The following RAPH1 variants were observed in gnomAD, a reference collection of about 807,000 sequenced individuals.
RAPH1 encodes the protein ras-associated and pleckstrin homology domains-containing protein 1.
In RAPH1, 18 loss-of-function variants were observed where a neutral mutation model predicts 88.1. The observed-to-expected ratio is 0.20, with a 90% CI of 0.14 to 0.30. The LOEUF is 0.30. RAPH1 is among the 10% of genes least tolerant of loss of function. The pLI, the probability that RAPH1 is intolerant of heterozygous loss-of-function variation, is 1.00. For synonymous variants in RAPH1, 587 were observed against 559.0 expected (o/e 1.05, Z -0.71); for missense variants, 1,448 against 1,543.2 (o/e 0.94, Z 1.03).
At chr2:203,464,569 C>A (rs185987728) in intron 4 of RAPH1, among the ~76,000 whole-genome samples, 48 of 152,296 alleles carry the variant, frequency 3.2e-4, no homozygotes, top group Admixed American at 3.1e-3. Flanking sequence ...CCATGCCCAG[C>A]CAAACATGAA....
At chr2:203,450,508 A>C (rs1230564941) in intron 10 of RAPH1, among the ~76,000 whole-genome samples, 1 of 152,218 alleles carries the variant, frequency 6.6e-6, no homozygotes, top group Non-Finnish European at 1.5e-5. Flanking sequence ...CAGACAGAGA[A>C]GTATGTATTC....
intron 2 of RAPH1, among the ~76,000 whole-genome samples, chr2:203,492,912 A>T (rs536641479): frequency 4.7e-4 from 72 of 152,328 alleles, no homozygotes; most frequent in African/African-American, 1.7e-3. Context: ...AAAACTTTAC[A>T]AACTATTTTA....
chr2:203,447,813 TAA>T, intron 12 of RAPH1, 144 bp downstream of exon 12: 1 of 743,740 alleles, frequency 1.3e-6, no homozygotes, highest in Non-Finnish European at 2.1e-6. Context: ...TAGCAATTTT[TAA>T]AAAGGCATCT....
chr2:203,488,790 C>G (rs960096705), intron 4 of RAPH1, among the ~76,000 whole-genome samples: 5 of 151,848 alleles, frequency 3.3e-5, no homozygotes, highest in Admixed American at 1.3e-4. Context: ...TGATTCCATA[C>G]CTGGTGGCCC....
intron 4 of RAPH1, among the ~76,000 whole-genome samples, chr2:203,484,888 A>G (rs991700435): frequency 9.9e-5 from 15 of 152,204 alleles, no homozygotes; most frequent in Non-Finnish European, 1.9e-4. Context: ...AATAAATAAA[A>G]AGAGACATGC....
intron 1 of RAPH1, among the ~76,000 whole-genome samples, chr2:203,506,742 CTATATATATATATATCTATATATA>C (rs1325560544): frequency 9.0e-6 from 1 of 110,856 alleles, no homozygotes; most frequent in Non-Finnish European, 1.7e-5. Context: ...AGATATATAT[CTATATATATATATATCTATATATA>C]TATCTATATA....
Position 203,434,565 on chromosome 2 carries a change from G to GGAA in RAPH1, c.*4871_*4872insTTC, listed in dbSNP as rs2098496817. 1 of 119,528 alleles carries GGAA rather than the reference G, an allele frequency of 8.4e-6. No individual in the cohort carries two copies. The highest frequency in any genetic ancestry group is 4.0e-5 in the African/African-American group (1 of 24,764). The allele number at this position is 119,528 out of a possible 1,614,324, so 7.4% of individuals were successfully genotyped here. Reference sequence around the variant, plus strand: ...TCTAGAAGGGGTTATTTTACAAGTAGCAAAAAAAAAAAAAAAAGTAGGAGG... The same window carrying GGAA: ...TCTAGAAGGGGTTATTTTACAAGTAGGAACAAAAAAAAAAAAAAAAGTAGGAGG... On this transcript the variant is annotated 3_prime_UTR_variant, in exon 14 of 14. Transcript: ENST00000319170.
intron 4 of RAPH1, among the ~76,000 whole-genome samples, chr2:203,478,709 G>A (rs556568341): frequency 3.9e-5 from 6 of 151,968 alleles, no homozygotes; most frequent in Non-Finnish European, 8.8e-5. Context: ...GGCTGGCCTT[G>A]AACTCCTGAC....
chr2:203,461,146 C>CATAT (rs149163611), intron 6 of RAPH1, 103 bp downstream of exon 6: 71 of 474,322 alleles, frequency 1.5e-4, no homozygotes, highest in Non-Finnish European at 2.1e-4. Context: ...AAAATAAAAA[C>CATAT]ATATATATAT....
intron 9 of RAPH1, among the ~76,000 whole-genome samples, chr2:203,454,839 T>G (rs2098517918): frequency 6.6e-6 from 1 of 152,146 alleles, no homozygotes; most frequent in Admixed American, 6.6e-5. Context: ...AAAACAATAA[T>G]GTATAATAGA....
In RAPH1 at chr2:203,448,325, C is replaced by T. The variant is rs189479486; in HGVS notation, c.1513-246G>A. Among the ~76,000 whole-genome samples the T allele has an allele frequency of 1.4e-3, 209 of 152,202 alleles. 1 individual carries two copies. Among genetic ancestry groups the T allele is most frequent in the Middle Eastern group, 3.4e-3 (1 of 294 alleles). ...TGTTATAAACATTAATGTTTTTTCACCCCAAATTCTTGATCCAAGGGCAGC... is the reference window on the plus strand; with the variant it reads ...TGTTATAAACATTAATGTTTTTTCATCCCAAATTCTTGATCCAAGGGCAGC... On this transcript the variant is annotated intron_variant, in intron 11 of 13. Transcript: ENST00000319170. This position sits in a 1 kb window ranked among gnomAD's most constrained non-coding sequence, Gnocchi z 4.1.
chr2:203,470,683 C>T lies in RAPH1; in HGVS notation c.733-8758G>A, dbSNP rs1159867855. On this transcript the variant is annotated intron_variant, in intron 4 of 13. Transcript: ENST00000319170. The stretch of plus-strand genomic sequence containing the variant: ...ATGTCAGAGACCAATGACTAAACTC[C>T]CTTTCTCTTGTTAAAGCCTATGAAG... Among the ~76,000 whole-genome samples, 11 of 152,118 alleles carry T rather than the reference C, an allele frequency of 7.2e-5. 1 individual carries two copies. The highest frequency in any genetic ancestry group is 7.2e-4 in the Admixed American group (11 of 15,282).
chr2:203,491,408 T>A, intron 2 of RAPH1, 89 bp from the exon 3 acceptor site: 2 of 781,454 alleles, frequency 2.6e-6, no homozygotes, highest in Non-Finnish European at 4.1e-6. Context: ...TTAAGTGAAC[T>A]GCCACACTAT....
chr2:203,527,287 C>CGTGG (rs1690164268), intron 1 of RAPH1, among the ~76,000 whole-genome samples: 1 of 151,912 alleles, frequency 6.6e-6, no homozygotes, highest in Non-Finnish European at 1.5e-5. Context: ...GCGTCTTCAC[C>CGTGG]GTGGCCACCT....
rs1305196540 is a variant in RAPH1 at position 203,435,873 on chromosome 2, C to A, written c.*3564G>T. The A allele has an allele frequency of 6.6e-6, 1 of 152,182 alleles. No individual in the cohort carries two copies. Among genetic ancestry groups the A allele is most frequent in the Non-Finnish European group, 1.5e-5 (1 of 68,034 alleles). The allele number at this position is 152,182 out of a possible 1,614,324, so 9.4% of individuals were successfully genotyped here. A position where few individuals can be genotyped will look rare whatever the true frequency, so the allele number is the denominator to read the frequency against. On this transcript the variant is annotated 3_prime_UTR_variant, in exon 14 of 14. Coordinates refer to ENST00000319170, the MANE Select transcript of RAPH1 (RefSeq NM_213589.3). ...TGGCTGAGAGTCAAAGCAGGCCAAT[C>A]CACACCATTACCTGAAATATTTTTC...
At chr2:203,496,638 A>G (rs934182432) in intron 1 of RAPH1, among the ~76,000 whole-genome samples, 5 of 152,358 alleles carry the variant, frequency 3.3e-5, no homozygotes, top group Non-Finnish European at 2.9e-5. Flanking sequence ...TTAGCAGATT[A>G]TAAACCCTGG....
At chr2:203,525,184 A>G (rs1404410665) in intron 1 of RAPH1, among the ~76,000 whole-genome samples, 1 of 152,166 alleles carries the variant, frequency 6.6e-6, no homozygotes, top group Non-Finnish European at 1.5e-5. Flanking sequence ...GTATATTAAC[A>G]TCTTCTTTTT....
Position 203,440,733 on chromosome 2 carries a change from G to A in RAPH1, c.2457C>T (p.Phe819=), listed in dbSNP as rs1348599616. Residue 819 remains phenylalanine (F), a synonymous_variant, in exon 14 of 14, where the codon TTC becomes TTT. Transcript: ENST00000319170. ...GAGAGGGTGGAATGTAAGAAGCAGG[G>A]AAAGCTGGCTGCTTTTTTGCTGGGG... ...PVPPAKKQPA[F]PASYIPPSPP... 1.2e-6 allele frequency: 2 copies of A among 1,609,786 alleles called. No homozygotes were observed. Among genetic ancestry groups the A allele is most frequent in the Non-Finnish European group, 8.5e-7 (1 of 1,177,664 alleles).
At chr2:203,500,140 A>C (rs1463405550) in intron 1 of RAPH1, among the ~76,000 whole-genome samples, 1 of 152,228 alleles carries the variant, frequency 6.6e-6, no homozygotes, top group African/African-American at 2.4e-5. Context: ...CATATAATCT[A>C]GTAGGGAACA....
Sources: allele counts gnomAD v4.1 joint callset (sites outside exome capture counted in the v4.1 genomes callset), GRCh38; gene constraint gnomAD v4.1.1; non-coding constraint Gnocchi (gnomAD v3.1); transcripts MANE v1.5; gene names NCBI Gene and HGNC (gene_info 2026-07-23, HGNC 2026-07-21).